Variants in AZIN2 observed in about 807,000 individuals in gnomAD.
AZIN2 encodes the protein ODC antizyme inhibitor-2.
AZIN2 carries 28 observed loss-of-function variants against 47.8 expected under a neutral mutation model. The ratio of observed to expected loss-of-function variants is 0.59; its 90% confidence interval spans 0.43 to 0.80. The LOEUF is 0.80. Among genes scored for constraint, AZIN2 ranks in the 30% least tolerant of loss-of-function variants. AZIN2 has a pLI of 0.00. For missense variants in AZIN2, 535 were observed against 582.5 expected, an observed-to-expected ratio of 0.92 and a Z score of 0.84; for synonymous variants, 221 against 239.4, an observed-to-expected ratio of 0.92 and a Z score of 0.71.
chr1:33,131,876 G>A, the AZIN2 span, among the ~76,000 whole-genome samples: 1 of 151,982 alleles, frequency 6.6e-6, no homozygotes, highest in Non-Finnish European at 1.5e-5. Flanking sequence ...TTAATGAAAG[G>A]TTTGTTTTTT....
chr1:33,087,857 C>T (rs3863725), intron 5 of AZIN2, among the ~76,000 whole-genome samples: 1 of 152,208 alleles, frequency 6.6e-6, no homozygotes, highest in Non-Finnish European at 1.5e-5. Flanking sequence ...TCAGGCACTT[C>T]TTATAGCTGA....
the AZIN2 span, among the ~76,000 whole-genome samples, chr1:33,158,065 G>T: frequency 1.3e-5 from 2 of 152,146 alleles, no homozygotes; most frequent in Non-Finnish European, 2.9e-5. Flanking sequence ...ATCTCCTGGG[G>T]TGTTATGAAG....
At chr1:33,126,769 G>A (rs1283397757), downstream of AZIN2, among the ~76,000 whole-genome samples, 1 of 152,086 alleles carries the variant, frequency 6.6e-6, no homozygotes, top group Non-Finnish European at 1.5e-5. Flanking sequence ...GGGTAGGATC[G>A]CCAAATAAAA....
At chr1:33,090,469 C>G (rs546123225) in intron 5 of AZIN2, among the ~76,000 whole-genome samples, 2 of 152,196 alleles carry the variant, frequency 1.3e-5, no homozygotes, top group Non-Finnish European at 2.9e-5. Flanking sequence ...CCTGCACACC[C>G]AGTGCAGGGC....
the AZIN2 span, among the ~76,000 whole-genome samples, chr1:33,134,173 A>C: frequency 6.6e-6 from 1 of 152,208 alleles, no homozygotes; most frequent in Non-Finnish European, 1.5e-5. Context: ...GTAAGACACC[A>C]CCTGGCACGT....
At chr1:33,105,868 AAATTCAGGAC>A (rs1192311910) in intron 10 of AZIN2, among the ~76,000 whole-genome samples, 1 of 152,226 alleles carries the variant, frequency 6.6e-6, no homozygotes, top group Non-Finnish European at 1.5e-5. Context: ...TTGGCAGGCA[AAATTCAGGAC>A]AGTTACCCCA....
the AZIN2 span, among the ~76,000 whole-genome samples, chr1:33,129,657 T>G: frequency 0.2 from 31,077 of 152,190 alleles, 3,874 homozygotes; most frequent in South Asian, 0.31. This position sits in a 1 kb window ranked among gnomAD's most constrained non-coding sequence, Gnocchi z 4.1. Context: ...AACCTGCTCC[T>G]TCCCTTCTCG....
chr1:33,146,821 C>T, the AZIN2 span: 1 of 318,890 alleles, frequency 3.1e-6, no homozygotes, highest in East Asian at 7.0e-5. Flanking sequence ...TGGCCATGCT[C>T]TGACACTTCC....
At chr1:33,116,782 G>A (rs1170168266) in intron 10 of AZIN2, among the ~76,000 whole-genome samples, 1 of 152,222 alleles carries the variant, frequency 6.6e-6, no homozygotes, top group Non-Finnish European at 1.5e-5. Flanking sequence ...GAGATCTAAA[G>A]GAGAAATAGG....
intron 4 of AZIN2, 42 bp from the exon 5 acceptor site, chr1:33,083,912 A>G (rs1641575608): frequency 6.2e-7 from 1 of 1,611,506 alleles, no homozygotes; most frequent in Non-Finnish European, 8.5e-7. Flanking sequence ...ACAGGGTGCG[A>G]GCTGGATGGG....
chr1:33,084,264 G>C, intron 5 of AZIN2, 137 bp downstream of exon 5: 1 of 971,182 alleles, frequency 1.0e-6, no homozygotes, highest in Non-Finnish European at 1.5e-6. Flanking sequence ...ACCCACTCAG[G>C]AGGGGTCTCA....
chr1:33,147,620 C>G, the AZIN2 span: 5 of 1,614,092 alleles, frequency 3.1e-6, no homozygotes, highest in Non-Finnish European at 4.2e-6. This position sits in a 1 kb window ranked among gnomAD's most constrained non-coding sequence, Gnocchi z 8.1. Flanking sequence ...TTTGGCGAGT[C>G]CTGCAGTGGC....
At chr1:33,143,775 G>A in the AZIN2 span, among the ~76,000 whole-genome samples, 5 of 152,198 alleles carry the variant, frequency 3.3e-5, no homozygotes, top group African/African-American at 1.2e-4. Flanking sequence ...GGCTCCCAGG[G>A]GTGCTGTACT....
At chr1:33,156,318 G>C in the AZIN2 span, among the ~76,000 whole-genome samples, 45 of 152,294 alleles carry the variant, frequency 3.0e-4, 1 homozygote, top group Middle Eastern at 0.014. Context: ...TCTTGGACCA[G>C]CTCCAACCAG....
At chr1:33,147,280 CG>C in the AZIN2 span, 34 of 1,614,010 alleles carry the variant, frequency 2.1e-5, no homozygotes, top group Non-Finnish European at 2.9e-5. This position sits in a 1 kb window ranked among gnomAD's most constrained non-coding sequence, Gnocchi z 8.1. Flanking sequence ...GAACTTCTCG[CG>C]GAAGGTGTAG....
chr1:33,091,944 G>C, intron 5 of AZIN2, 106 bp from the exon 6 acceptor site: 1 of 1,213,898 alleles, frequency 8.2e-7, no homozygotes, highest in Non-Finnish European at 1.2e-6. Flanking sequence ...CACTGTTATG[G>C]GCCTCCCTAT....
In AZIN2 at chr1:33,098,169, T is replaced by C. The variant is rs773364141; in HGVS notation, c.1019T>C (p.Ile340Thr). The change falls in exon 10 of 12, where the codon ATC becomes ACC. Residue 340 changes from isoleucine (I) to threonine (T), a missense_variant. Ile to Thr is a moderately conservative substitution (Grantham distance 89). Transcript: ENST00000294517. Reference protein sequence around the residue: ...VLFDNICPTPILQKKPSTEQP... With the variant: ...VLFDNICPTPTLQKKPSTEQP... ...TTTGACAACATCTGCCCTACCCCCA[T>C]CCTGCAGAAGGTGAGCTTACCCCAC... 1.1e-5 allele frequency: 18 copies of C among 1,610,448 alleles called. No homozygotes were observed. Among genetic ancestry groups the C allele is most frequent in the Non-Finnish European group, 1.4e-5 (17 of 1,178,544 alleles).
the AZIN2 span, chr1:33,146,466 T>C: frequency 1.3e-5 from 2 of 158,952 alleles, no homozygotes; most frequent in African/African-American, 4.8e-5. Context: ...TTTAGGCTAA[T>C]GGGCTCTGCA....
chr1:33,105,480 G>A (rs189956697), intron 10 of AZIN2, among the ~76,000 whole-genome samples: 16 of 152,232 alleles, frequency 1.1e-4, no homozygotes, highest in Non-Finnish European at 1.8e-4. Context: ...GCATGGATAG[G>A]GAGGCCTCAG....
Sources: allele counts gnomAD v4.1 joint callset (sites outside exome capture counted in the v4.1 genomes callset), GRCh38; gene constraint gnomAD v4.1.1; non-coding constraint Gnocchi (gnomAD v3.1); transcripts MANE v1.5; gene names NCBI Gene and HGNC (gene_info 2026-07-23, HGNC 2026-07-21).